The following LAMA5 variants were observed in gnomAD, a reference collection of about 807,000 sequenced individuals.
The protein encoded by LAMA5 is laminin subunit alpha 5.
Under a neutral mutation model 433.4 loss-of-function variants are expected in LAMA5, and 260 were observed. The observed-to-expected ratio is 0.60, with a 90% confidence interval of 0.54 to 0.66. LAMA5 has a LOEUF of 0.66. LAMA5 is among the 30% of genes least tolerant of loss of function. The pLI is 0.00. For synonymous variants in LAMA5, 2,620 were observed against 2,226.6 expected, an observed-to-expected ratio of 1.18 and a Z score of -4.97; for missense variants, 5,378 against 5,258.5, an observed-to-expected ratio of 1.02 and a Z score of -0.70.
At chr20:62,365,505 G>C (rs547547936) in intron 1 of LAMA5, among the ~76,000 whole-genome samples, 70 of 152,252 alleles carry the variant, frequency 4.6e-4, no homozygotes, top group African/African-American at 1.4e-3. Flanking sequence ...GGCAGGCTGT[G>C]GGGGGGTGGT....
rs1986804110 is a variant in LAMA5 at position 62,366,980 on chromosome 20, A to G, written c.266T>C (p.Val89Ala). ...DLYCKLVGGP[V>A]AGGDPNQTIR... ...GGTCTGGTTGGGGTCGCCGCCGGCC[A>G]CGGGGCCCCCTACCAGCTTGCAGTA... is the stretch of plus-strand genomic sequence containing the variant. The change falls in exon 1 of 80, where the codon GTG becomes GCG. Residue 89 changes from valine (V) to alanine (A), a missense_variant. Physicochemically the swap from Val to Ala is moderately conservative, Grantham distance 64. Transcript: ENST00000252999. 1 of 1,276,674 alleles carries G rather than the reference A, an allele frequency of 7.8e-7. No individual in the cohort carries two copies. The highest frequency in any genetic ancestry group is 9.9e-7 in the Non-Finnish European group (1 of 1,012,512). 79.1% of individuals were successfully genotyped at this position (1,276,674 alleles called of 1,614,324 possible). A position where few individuals can be genotyped will look rare whatever the true frequency, so the allele number is the denominator to read the frequency against.
chr20:62,332,605 T>G lies in LAMA5; in HGVS notation c.3395A>C (p.Gln1132Pro). The G allele has an allele frequency of 6.2e-7, 1 of 1,601,270 alleles. No homozygotes were observed. Among genetic ancestry groups the G allele is most frequent in the Non-Finnish European group, 8.5e-7 (1 of 1,173,404 alleles). The change falls in exon 27 of 80, where the codon CAG becomes CCG. Residue 1132 changes from glutamine (Q) to proline (P), a missense_variant. Gln to Pro is a moderately conservative substitution (Grantham distance 76, BLOSUM62 -1). Transcript: ENST00000252999. The stretch of plus-strand genomic sequence containing the variant: ...GAGCAGCCCCTGCTGGGGGGCCCGC[T>G]GTGGGGTGTGCACGGCCACGCCCAC... The part of the protein sequence containing the change: ...QEVGVAVHTP[Q>P]RAPQQGLLSL...
chr20:62,322,941 A>G (rs1330084808), intron 45 of LAMA5, among the ~76,000 whole-genome samples, 183 bp from the exon 46 acceptor site: 9 of 151,308 alleles, frequency 5.9e-5, no homozygotes, highest in Non-Finnish European at 1.2e-4. Flanking sequence ...CCTGGGCCCG[A>G]GGGACCTGCA....
rs768937177 is a variant in LAMA5, at chr20:62,325,342, C to T, written c.5503G>A (p.Ala1835Thr). The T allele has an allele frequency of 4.0e-5, 63 of 1,594,074 alleles. No homozygotes were observed. Among genetic ancestry groups the T allele is most frequent in the Admixed American group, 3.8e-4 (22 of 58,422 alleles). The change falls in exon 41 of 80, where the codon GCC (alanine) becomes ACC (threonine). Residue 1835 changes from alanine (A) to threonine (T), a missense_variant. Coordinates refer to ENST00000252999, the MANE Select transcript of LAMA5 (RefSeq NM_005560.6). Reference sequence around the variant, plus strand: ...TGGCATGAGTCCCCCCGGTAGCTGGCGGGGCACAGGCACAGCTCCACATTG... The same window carrying T: ...TGGCATGAGTCCCCCCGGTAGCTGGTGGGGCACAGGCACAGCTCCACATTG... Reference protein sequence around the residue: ...ASNVELCLCPASYRGDSCQEC... With the variant: ...ASNVELCLCPTSYRGDSCQEC...
intron 2 of LAMA5, among the ~76,000 whole-genome samples, chr20:62,357,289 G>A (rs1333078000): frequency 1.3e-5 from 2 of 152,198 alleles, no homozygotes; most frequent in Non-Finnish European, 2.9e-5. Context: ...GCAGGAAGAA[G>A]GGCGTTGTGC....
chr20:62,343,928 T>C (rs1196245885), intron 11 of LAMA5, among the ~76,000 whole-genome samples: 29 of 151,800 alleles, frequency 1.9e-4, no homozygotes, highest in Non-Finnish European at 5.9e-5. Context: ...GCGGATTACC[T>C]GAGGTTGGGA....
chr20:62,328,454 C>G lies in LAMA5; in HGVS notation c.4448-9G>C, dbSNP rs755351352. ...GGCACCGCAGTCACAGGCTGTGGGG[C>G]GGGTACAGGGTTTACTGACCCCTCT... is the stretch of plus-strand genomic sequence containing the variant. On this transcript the variant is annotated splice_polypyrimidine_tract_variant and intron_variant, in intron 34 of 79. Transcript: ENST00000252999. 12 of 1,484,444 alleles carry G rather than the reference C, an allele frequency of 8.1e-6. No individual in the cohort carries two copies. The East Asian group carries it at 2.9e-4, about 36-fold the overall frequency. 92.0% of individuals were successfully genotyped at this position (1,484,444 alleles called of 1,614,324 possible).
chr20:62,333,280 C>A, intron 25 of LAMA5, 37 bp from the exon 26 acceptor site: 2 of 1,579,998 alleles, frequency 1.3e-6, no homozygotes, highest in Admixed American at 1.7e-5. Flanking sequence ...CCCAGGTCCA[C>A]CCAGGTCCCC....
chr20:62,352,017 T>A lies in LAMA5; in HGVS notation c.750A>T (p.Leu250=), dbSNP rs1317747500. The change falls in exon 5 of 80, where the codon CTA becomes CTT. Residue 250 remains leucine (L), a synonymous_variant. Transcript: ENST00000252999. ...GAMNFSYSPL[L]REFTKATNVR... The stretch of plus-strand genomic sequence containing the variant: ...CGTTGGTGGCCTTGGTGAACTCACG[T>A]AGCAGCGGCGAGTAGGAGAAATTCA... 6.2e-7 allele frequency: 1 copy of A among 1,612,674 alleles called. No homozygotes were observed. The highest frequency in any genetic ancestry group is 1.1e-5 in the South Asian group (1 of 91,074).
At position 62,309,079 on chromosome 20, in the gene LAMA5, C is replaced by A; in HGVS notation, c.*257G>T. On this transcript the variant is annotated 3_prime_UTR_variant, in exon 80 of 80. Coordinates refer to ENST00000252999, the MANE Select transcript of LAMA5 (RefSeq NM_005560.6). ...CATTCATTCGGTTACACAGAAGTTA[C>A]TTTTTAATTTTTAAGGAGGAACCAG... The A allele has an allele frequency of 1.6e-6, 1 of 609,418 alleles. No individual in the cohort carries two copies. The highest frequency in any genetic ancestry group is 2.7e-6 in the Non-Finnish European group (1 of 365,456). 37.8% of individuals were successfully genotyped at this position (609,418 alleles called of 1,614,324 possible).
intron 48 of LAMA5, 130 bp downstream of exon 48, chr20:62,321,889 G>T: frequency 2.3e-6 from 2 of 887,190 alleles, no homozygotes; most frequent in Non-Finnish European, 3.7e-6. Flanking sequence ...GACAGGCATG[G>T]GTCTCTCGGG....
At chr20:62,321,202 G>A (rs1277228634) in intron 48 of LAMA5, among the ~76,000 whole-genome samples, 1 of 133,008 alleles carries the variant, frequency 7.5e-6, no homozygotes, top group South Asian at 2.6e-4. Context: ...GGTGGGGCCA[G>A]TGGAGGAAGA....
intron 28 of LAMA5, 51 bp from the exon 29 acceptor site, chr20:62,331,180 G>A (rs1308669503): frequency 3.2e-6 from 4 of 1,237,974 alleles, no homozygotes; most frequent in Non-Finnish European, 4.3e-6. Context: ...GGGGAGGATA[G>A]GGGGTGCAGG....
In LAMA5 at chr20:62,329,944, G is replaced by A. The variant is rs759466012; in HGVS notation, c.3980-28C>T. The A allele has an allele frequency of 4.4e-6, 7 of 1,605,162 alleles. No homozygotes were observed. The South Asian group carries it at 4.4e-5, about 10-fold the overall frequency. On this transcript the variant is annotated intron_variant, in intron 31 of 79. Coordinates refer to ENST00000252999, the MANE Select transcript of LAMA5 (RefSeq NM_005560.6). ...GGGCGGGGGAGAAAGGCAGGGTCAG[G>A]CCCCCATCTCTAGCGCCCCCAAGAC...
Position 62,316,069 on chromosome 20 carries a change from G to A in LAMA5, c.7757-11C>T, listed in dbSNP as rs1260202453. 3 of 1,589,278 alleles carry A rather than the reference G, an allele frequency of 1.9e-6. No homozygotes were observed. Among genetic ancestry groups the A allele is most frequent in the Non-Finnish European group, 2.6e-6 (3 of 1,166,252 alleles). ...GGAGGGCAGCCCACACTGCGGGGGAGGCAGCTTCAGCTCCCAGGCAGCTTC... is the reference window on the plus strand; with the variant it reads ...GGAGGGCAGCCCACACTGCGGGGGAAGCAGCTTCAGCTCCCAGGCAGCTTC... On this transcript the variant is annotated splice_polypyrimidine_tract_variant and intron_variant, in intron 57 of 79. Transcript: ENST00000252999.
At chr20:62,317,824 G>C in intron 53 of LAMA5, 46 bp from the exon 54 acceptor site, 1 of 1,043,792 alleles carries the variant, frequency 9.6e-7, no homozygotes, top group Non-Finnish European at 1.3e-6. Flanking sequence ...GGTAAGAAAA[G>C]AATAAAGGAT....
Position 62,316,932 on chromosome 20 carries a change from C to A in LAMA5, c.7603G>T (p.Ala2535Ser). ...AGGGCCTGGCCAGCAGCATCCTCGG[C>A]AGCCTGCACGGCCTGCAGGATGCGG... is the stretch of plus-strand genomic sequence containing the variant. ...YSRILQAVQA[A>S]EDAAGQALQQ... The change falls in exon 56 of 80, where the codon GCC becomes TCC. Residue 2535 changes from alanine to serine, a missense_variant. Transcript: ENST00000252999. 1.3e-6 allele frequency: 2 copies of A among 1,558,562 alleles called. No homozygotes were observed. The highest frequency in any genetic ancestry group is 8.7e-7 in the Non-Finnish European group (1 of 1,149,550).
At chr20:62,314,975 G>A in intron 59 of LAMA5, 28 bp from the exon 60 acceptor site, 1 of 1,579,000 alleles carries the variant, frequency 6.3e-7, no homozygotes, top group East Asian at 2.2e-5. Flanking sequence ...TGAGACCTTT[G>A]CCCCCCACCG....
Position 62,324,032 on chromosome 20 carries a change from G to A in LAMA5, c.5768+48C>T. On this transcript the variant is annotated intron_variant, in intron 43 of 79. Coordinates refer to ENST00000252999, the MANE Select transcript of LAMA5 (RefSeq NM_005560.6). This position sits in a 1 kb window ranked among gnomAD's most constrained non-coding sequence, Gnocchi z 4.4. ...GGAACCCACCCCGCTGCTGGGTGAA[G>A]GGAGCCTGGCACCATCAGGGCCTCG... 9 of 1,469,694 alleles carry A rather than the reference G, an allele frequency of 6.1e-6. No individual in the cohort carries two copies. The highest frequency in any genetic ancestry group is 8.1e-6 in the Non-Finnish European group (9 of 1,111,160). The allele number at this position is 1,469,694 out of a possible 1,614,324, so 91.0% of individuals were successfully genotyped here. A position where few individuals can be genotyped will look rare whatever the true frequency, so the allele number is the denominator to read the frequency against.
Sources: allele counts gnomAD v4.1 joint callset (sites outside exome capture counted in the v4.1 genomes callset), GRCh38; gene constraint gnomAD v4.1.1; non-coding constraint Gnocchi (gnomAD v3.1); transcripts MANE v1.5; gene names NCBI Gene and HGNC (gene_info 2026-07-23, HGNC 2026-07-21).